DSCAML1: variants seen among roughly 807,000 people sequenced by gnomAD.
DSCAML1 encodes the protein DS cell adhesion molecule like 1.
DSCAML1 carries 38 observed loss-of-function variants against 200.5 expected under a neutral mutation model. The observed-to-expected ratio is 0.19, with a 90% CI of 0.15 to 0.25. DSCAML1 has a LOEUF of 0.25. Among genes scored for constraint, DSCAML1 ranks in the 10% least tolerant of loss-of-function variants. DSCAML1 has a pLI of 1.00. For synonymous variants in DSCAML1, 1,215 were observed against 1,165.0 expected (o/e 1.04, Z -0.87); for missense variants, 2,223 against 2,858.8 (o/e 0.78, Z 5.07).
In DSCAML1 at chr11:117,793,717, C is replaced by T. The variant is rs550791576; in HGVS notation, c.46+3317G>A. ...TGATCCTCATCCTAAGAAAACTAAG[C>T]CTCTCTGTCCAGTCCCCCGGGATCT... On this transcript the variant is annotated intron_variant, in intron 1 of 32. Coordinates refer to ENST00000651296, the MANE Select transcript of DSCAML1 (RefSeq NM_020693.4). 2.0e-4 allele frequency among the ~76,000 whole-genome samples: 30 copies of T among 152,278 alleles called. No homozygotes were observed. The South Asian group carries it at 4.4e-3, about 22-fold the overall frequency.
At chr11:117,761,155 C>A (rs1014827227) in intron 3 of DSCAML1, among the ~76,000 whole-genome samples, 2 of 152,226 alleles carry the variant, frequency 1.3e-5, no homozygotes, top group African/African-American at 4.8e-5. Context: ...AACACCCAGC[C>A]TCCAGAGGAG....
At chr11:117,749,822 C>A (rs992302197) in intron 3 of DSCAML1, among the ~76,000 whole-genome samples, 3 of 152,236 alleles carry the variant, frequency 2.0e-5, no homozygotes, top group African/African-American at 4.8e-5. Flanking sequence ...CCCCTTACAG[C>A]GGGGAGAGCT....
At chr11:117,648,282 G>A (rs746426330) in intron 3 of DSCAML1, among the ~76,000 whole-genome samples, 1 of 152,214 alleles carries the variant, frequency 6.6e-6, no homozygotes, top group Non-Finnish European at 1.5e-5. Flanking sequence ...GGGTGAGGGT[G>A]GTGTCCAGGG....
chr11:117,780,404 C>T lies in DSCAML1; in HGVS notation c.364+89G>A, dbSNP rs2055231220. 1.6e-6 allele frequency: 2 copies of T among 1,217,780 alleles called. No homozygotes were observed. The highest frequency in any genetic ancestry group is 1.6e-5 in the African/African-American group (1 of 64,444). The allele number at this position is 1,217,780 out of a possible 1,614,324, so 75.4% of individuals were successfully genotyped here. ...AACAACAAAACTGTTCTTGAGTGAACGACTTCTTGCAAGCCCCTCCGAATA... is the reference window on the plus strand; with the variant it reads ...AACAACAAAACTGTTCTTGAGTGAATGACTTCTTGCAAGCCCCTCCGAATA... On this transcript the variant is annotated intron_variant, in intron 2 of 32. Coordinates refer to ENST00000651296, the MANE Select transcript of DSCAML1 (RefSeq NM_020693.4). The surrounding 1 kb of genome is among the most constrained non-coding windows in gnomAD (Gnocchi z 4.8).
intron 24 of DSCAML1, 26 bp from the exon 25 acceptor site, chr11:117,438,109 T>C: frequency 1.3e-6 from 2 of 1,585,042 alleles, no homozygotes; most frequent in Non-Finnish European, 1.7e-6. Context: ...CTGATTCAGG[T>C]GGGGGCAGGG....
At position 117,469,355 on chromosome 11, in the gene DSCAML1, TTC is replaced by T. The variant is rs2048641590; in HGVS notation, c.3024+553_3024+554del. ...CTGAGTCCTGCTCAAGGTCATTCTG[TTC>T]TGTTTCCCTGCCCAGCTGTGGAATC... On this transcript the variant is annotated intron_variant, in intron 16 of 32. Coordinates refer to ENST00000651296, the MANE Select transcript of DSCAML1 (RefSeq NM_020693.4). The surrounding 1 kb of genome is among the most constrained non-coding windows in gnomAD (Gnocchi z 4.1). Among the ~76,000 whole-genome samples the T allele has an allele frequency of 6.6e-6, 1 of 152,180 alleles. No homozygotes were observed. The highest frequency in any genetic ancestry group is 1.5e-5 in the Non-Finnish European group (1 of 68,022).
At chr11:117,706,834 C>A (rs2053766007) in intron 3 of DSCAML1, among the ~76,000 whole-genome samples, 1 of 152,216 alleles carries the variant, frequency 6.6e-6, no homozygotes, top group Non-Finnish European at 1.5e-5. Flanking sequence ...AGGGTTAAAT[C>A]ATATATAATC....
At chr11:117,803,826 GC>G (rs2055683935) in intron 1 of DSCAML1, among the ~76,000 whole-genome samples, 1 of 152,212 alleles carries the variant, frequency 6.6e-6, no homozygotes. Flanking sequence ...CAAGGCCCAG[GC>G]CCATGGTGGT....
intron 32 of DSCAML1, among the ~76,000 whole-genome samples, chr11:117,429,054 A>G (rs1260356478): frequency 2.6e-5 from 4 of 152,150 alleles, no homozygotes; most frequent in African/African-American, 9.7e-5. Flanking sequence ...GAGGTGAGGG[A>G]GGTAAAGTGC....
chr11:117,639,414 GGCTGAATGGATGGGAA>G, intron 3 of DSCAML1, among the ~76,000 whole-genome samples: 8 of 145,678 alleles, frequency 5.5e-5, no homozygotes, highest in Non-Finnish European at 9.3e-5. Flanking sequence ...ATGGGTAGGA[GGCTGAATGGATGGGAA>G]GCTGGATGGG....
chr11:117,542,338 C>CAACAA (rs2050287089), intron 3 of DSCAML1, among the ~76,000 whole-genome samples: 1 of 151,292 alleles, frequency 6.6e-6, no homozygotes, highest in African/African-American at 2.4e-5. Flanking sequence ...ACAAAAACAA[C>CAACAA]AACAACAACA....
chr11:117,439,489 CT>C, intron 22 of DSCAML1, 60 bp from the exon 23 acceptor site: 1 of 1,569,986 alleles, frequency 6.4e-7, no homozygotes, highest in Non-Finnish European at 8.6e-7. Flanking sequence ...TCCTGAGGCC[CT>C]CCCCCCGGTG....
At chr11:117,784,936 T>C (rs1036943483) in intron 1 of DSCAML1, among the ~76,000 whole-genome samples, 2 of 152,088 alleles carry the variant, frequency 1.3e-5, no homozygotes, top group Admixed American at 6.5e-5. Context: ...GTGCCTAAGG[T>C]TACTGCAGGG....
chr11:117,547,065 A>G (rs1241862697), intron 3 of DSCAML1, among the ~76,000 whole-genome samples: 2 of 152,050 alleles, frequency 1.3e-5, no homozygotes, highest in African/African-American at 4.8e-5. Context: ...AGGAGTGGGG[A>G]GAGGGAGAGG....
chr11:117,524,326 A>G (rs973129305), intron 5 of DSCAML1, among the ~76,000 whole-genome samples: 12 of 152,226 alleles, frequency 7.9e-5, no homozygotes, highest in Non-Finnish European at 8.8e-5. Context: ...GCCCCTATCA[A>G]TGATTGTGAA....
chr11:117,447,765 G>GT (rs1188524551), intron 20 of DSCAML1, among the ~76,000 whole-genome samples: 2 of 152,150 alleles, frequency 1.3e-5, no homozygotes. Flanking sequence ...ACAGTCTCAG[G>GT]TATCTGCCTA....
intron 4 of DSCAML1, among the ~76,000 whole-genome samples, chr11:117,526,140 A>G (rs1592698065): frequency 6.6e-6 from 1 of 151,856 alleles, no homozygotes; most frequent in South Asian, 2.1e-4. Context: ...GCTCGTTCCC[A>G]CCCTCCAAGG....
chr11:117,710,021 C>T (rs965946902), intron 3 of DSCAML1, among the ~76,000 whole-genome samples: 2 of 152,204 alleles, frequency 1.3e-5, no homozygotes, highest in Admixed American at 1.3e-4. Context: ...GGATGGCTGT[C>T]CCCTCTGCAA....
At chr11:117,550,454 C>G (rs2050448371) in intron 3 of DSCAML1, among the ~76,000 whole-genome samples, 1 of 141,348 alleles carries the variant, frequency 7.1e-6, no homozygotes, top group African/African-American at 2.6e-5. Context: ...AGTGTCTGGC[C>G]TGAAAGCCCA....
Sources: gnomAD v4.1 joint callset for allele counts (sites outside exome capture counted in the v4.1 genomes callset) on GRCh38, gnomAD v4.1.1 for gene constraint, Gnocchi (gnomAD v3.1) non-coding constraint, MANE v1.5 for transcripts, NCBI Gene and HGNC (gene_info 2026-07-23, HGNC 2026-07-21) for gene names.